NAALADL2: variants seen among roughly 807,000 people sequenced by gnomAD.
NAALADL2 encodes N-acetylated alpha-linked acidic dipeptidase like 2, also known as inactive N-acetylated-alpha-linked acidic dipeptidase-like protein 2.
Under a neutral mutation model 87.2 loss-of-function variants are expected in NAALADL2, and 76 were observed. The observed-to-expected ratio is 0.87, with a 90% confidence interval of 0.72 to 1.05. The LOEUF (loss-of-function observed/expected upper bound fraction) is 1.05. Ranked by LOEUF, NAALADL2 falls within the 50% of genes least tolerant of loss-of-function variation. NAALADL2 has a pLI of 0.00. For synonymous variants in NAALADL2, 354 were observed against 331.0 expected (o/e 1.07, Z -0.75); for missense variants, 1,089 against 945.8 (o/e 1.15, Z -1.99).
At chr3:175,471,268 G>A (rs997415814) in intron 8 of NAALADL2, among the ~76,000 whole-genome samples, 3 of 151,754 alleles carry the variant, frequency 2.0e-5, no homozygotes, top group African/African-American at 7.3e-5. Flanking sequence ...GGCAGGTCAC[G>A]AGGTCAGGAG....
intron 1 of NAALADL2, among the ~76,000 whole-genome samples, chr3:175,004,115 C>A (rs1332765290): frequency 6.6e-6 from 1 of 152,074 alleles, no homozygotes; most frequent in Non-Finnish European, 1.5e-5. Flanking sequence ...GTAGCTAATG[C>A]CTGTAATCCC....
chr3:174,950,316 A>G (rs1357204083), intron 1 of NAALADL2, among the ~76,000 whole-genome samples: 2 of 152,054 alleles, frequency 1.3e-5, no homozygotes, highest in East Asian at 3.9e-4. Context: ...AAGTTTTATA[A>G]TACCTGGTAT....
chr3:174,711,690 G>A (rs1303678610), intron 2 of NAALADL2, among the ~76,000 whole-genome samples: 4 of 152,108 alleles, frequency 2.6e-5, no homozygotes, highest in Non-Finnish European at 5.9e-5. Flanking sequence ...CTATGTGTTT[G>A]TTTGTTGGTA....
chr3:175,775,389 ATAG>A, intron 13 of NAALADL2, among the ~76,000 whole-genome samples: 1 of 152,192 alleles, frequency 6.6e-6, no homozygotes, highest in Non-Finnish European at 1.5e-5. Context: ...ACTTGTAATA[ATAG>A]TAGTTATTAC....
chr3:175,795,509 T>TA (rs1753348983), intron 13 of NAALADL2, among the ~76,000 whole-genome samples: 1 of 124,402 alleles, frequency 8.0e-6, no homozygotes, highest in African/African-American at 3.9e-5. Flanking sequence ...CCGTCTCTAC[T>TA]AAAAAATACA....
chr3:174,735,753 T>C (rs1338782405), intron 2 of NAALADL2, among the ~76,000 whole-genome samples: 3 of 152,080 alleles, frequency 2.0e-5, no homozygotes, highest in Admixed American at 2.0e-4. Flanking sequence ...CTTGTAGAGA[T>C]AGGGTCCCAC....
At chr3:175,419,402 AATT>A (rs1371728223) in intron 5 of NAALADL2, among the ~76,000 whole-genome samples, 21 of 152,058 alleles carry the variant, frequency 1.4e-4, no homozygotes, top group African/African-American at 5.1e-4. Flanking sequence ...TTATATAAAA[AATT>A]ATTATAGCAA....
chr3:175,072,523 A>G (rs759509982), intron 1 of NAALADL2, among the ~76,000 whole-genome samples: 4 of 151,688 alleles, frequency 2.6e-5, no homozygotes, highest in African/African-American at 7.3e-5. Context: ...TCTTGATTCT[A>G]TATCATTGTA....
intron 1 of NAALADL2, among the ~76,000 whole-genome samples, chr3:174,899,083 A>T (rs1056288126): frequency 2.0e-5 from 3 of 152,232 alleles, no homozygotes; most frequent in African/African-American, 7.2e-5. Flanking sequence ...AAGTGAAAAC[A>T]GTTTACAAAA....
intron 2 of NAALADL2, among the ~76,000 whole-genome samples, chr3:174,736,918 G>A (rs1409204938): frequency 6.6e-6 from 1 of 152,180 alleles, no homozygotes; most frequent in Non-Finnish European, 1.5e-5. Context: ...TCTGGAGAGG[G>A]CCAAGGCAGC....
intron 1 of NAALADL2, among the ~76,000 whole-genome samples, chr3:174,990,841 G>C (rs1158834367): frequency 6.6e-6 from 1 of 152,050 alleles, no homozygotes; most frequent in South Asian, 2.1e-4. Context: ...TGGGACCGAG[G>C]TATCAGTATT....
rs558176385 is a variant in NAALADL2, at chr3:175,463,304, T to C, written c.1235-97T>C. On this transcript the variant is annotated intron_variant, in intron 6 of 13. Coordinates refer to ENST00000454872, the MANE Select transcript of NAALADL2 (RefSeq NM_207015.3). Reference sequence around the variant, plus strand: ...TCTGAGAACATTCAATTCTGTGGAATTCTTTTGCTGATGATATTGGATAAA... The same window carrying C: ...TCTGAGAACATTCAATTCTGTGGAACTCTTTTGCTGATGATATTGGATAAA... 5.6e-6 allele frequency: 4 copies of C among 709,008 alleles called. No homozygotes were observed. In the African/African-American group the frequency reaches 7.2e-5, roughly 13 times the overall value. 43.9% of individuals were successfully genotyped at this position (709,008 alleles called of 1,614,324 possible).
intron 12 of NAALADL2, among the ~76,000 whole-genome samples, chr3:175,740,681 G>C (rs1186210913): frequency 3.9e-5 from 6 of 152,126 alleles, no homozygotes; most frequent in Non-Finnish European, 5.9e-5. Flanking sequence ...TTATAGCAGA[G>C]CGCATCTCCC....
intron 2 of NAALADL2, among the ~76,000 whole-genome samples, chr3:175,218,276 T>C (rs1742850773): frequency 6.6e-6 from 1 of 152,180 alleles, no homozygotes; most frequent in African/African-American, 2.4e-5. Flanking sequence ...ACAAAAGAAA[T>C]ATGCAAAATG....
At chr3:175,203,070 A>G (rs1189147109) in intron 2 of NAALADL2, among the ~76,000 whole-genome samples, 2 of 152,100 alleles carry the variant, frequency 1.3e-5, no homozygotes, top group Non-Finnish European at 2.9e-5. Flanking sequence ...GCTGCAAAAG[A>G]AAAAGGCTTG....
chr3:174,681,155 C>G (rs1027722158), intron 2 of NAALADL2, among the ~76,000 whole-genome samples: 1 of 152,138 alleles, frequency 6.6e-6, no homozygotes, highest in African/African-American at 2.4e-5. Context: ...CAGCACCCAG[C>G]CAGAGGGGTA....
chr3:174,779,672 G>A (rs888616534), intron 3 of NAALADL2, among the ~76,000 whole-genome samples: 7 of 152,126 alleles, frequency 4.6e-5, no homozygotes, highest in Non-Finnish European at 8.8e-5. Context: ...AAGGGATCCA[G>A]TTTCAGTTTT....
chr3:175,392,585 T>A (rs1050970718), intron 5 of NAALADL2, among the ~76,000 whole-genome samples: 3 of 152,242 alleles, frequency 2.0e-5, no homozygotes, highest in Admixed American at 1.3e-4. Context: ...ATTTTCTCAA[T>A]TCTACTTGTC....
chr3:174,479,000 T>A (rs769549202), intron 1 of NAALADL2, among the ~76,000 whole-genome samples: 1 of 152,218 alleles, frequency 6.6e-6, no homozygotes, highest in Non-Finnish European at 1.5e-5. Flanking sequence ...TGAGCCACCA[T>A]GCCCAGCCTC....
Sources: gnomAD v4.1 joint callset for allele counts (sites outside exome capture counted in the v4.1 genomes callset) on GRCh38, gnomAD v4.1.1 for gene constraint, MANE v1.5 for transcripts, NCBI Gene and HGNC (gene_info 2026-07-23, HGNC 2026-07-21) for gene names.